Variants in WWC2 observed in about 807,000 individuals in gnomAD.
The protein encoded by WWC2 is protein WWC2.
In WWC2, 101 loss-of-function variants were observed where a neutral mutation model predicts 138.5. That is an observed-to-expected ratio of 0.73 (90% CI 0.62 to 0.86). The LOEUF (loss-of-function observed/expected upper bound fraction) is 0.86. Ranked by LOEUF, WWC2 falls within the 40% of genes least tolerant of loss-of-function variation. WWC2 has a pLI of 0.00. For missense variants in WWC2, 1,420 were observed against 1,419.4 expected (o/e 1.00, Z -0.01); for synonymous variants, 558 against 538.4 (o/e 1.04, Z -0.50).
rs374334412 is a variant in WWC2, at chr4:183,240,393, A to C, written c.602+131A>C. Reference sequence around the variant, plus strand: ...AAAGTAAAAAAGTTCAGAGCTCTACACCAAAAGAAAATAAAGCAATCAACC... The same window carrying C: ...AAAGTAAAAAAGTTCAGAGCTCTACCCCAAAAGAAAATAAAGCAATCAACC... On this transcript the variant is annotated intron_variant, in intron 5 of 22. Coordinates refer to ENST00000403733, the MANE Select transcript of WWC2 (RefSeq NM_024949.6). The C allele has an allele frequency of 7.8e-5, 48 of 614,350 alleles. 2 individuals are homozygous for C. The East Asian group carries it at 1.2e-3, about 15-fold the overall frequency. 38.1% of individuals were successfully genotyped at this position (614,350 alleles called of 1,614,324 possible). A position where few individuals can be genotyped will look rare whatever the true frequency, so the allele number is the denominator to read the frequency against.
intron 1 of WWC2, among the ~76,000 whole-genome samples, chr4:183,169,753 A>G (rs1245486775): frequency 6.6e-6 from 1 of 152,186 alleles, no homozygotes; most frequent in Non-Finnish European, 1.5e-5. Context: ...TTGGAGATTT[A>G]AGACTGTGCA....
chr4:183,224,999 T>A (rs1736032659), intron 4 of WWC2, among the ~76,000 whole-genome samples: 1 of 152,242 alleles, frequency 6.6e-6, no homozygotes, highest in African/African-American at 2.4e-5. Context: ...TTATGTTGAC[T>A]CCTCATACCT....
intron 14 of WWC2, among the ~76,000 whole-genome samples, chr4:183,266,881 T>G (rs1737520697): frequency 6.6e-6 from 1 of 152,138 alleles, no homozygotes; most frequent in South Asian, 2.1e-4. Context: ...TAGAATAAAT[T>G]AAAGAGTTCT....
At chr4:183,198,688 T>G (rs913998431) in intron 2 of WWC2, among the ~76,000 whole-genome samples, 1 of 151,076 alleles carries the variant, frequency 6.6e-6, no homozygotes, top group Non-Finnish European at 1.5e-5. Context: ...GCATGGTAGC[T>G]CTTGCTTGTA....
chr4:183,191,019 G>A (rs531127440), intron 1 of WWC2, among the ~76,000 whole-genome samples: 1 of 151,938 alleles, frequency 6.6e-6, no homozygotes, highest in East Asian at 1.9e-4. Context: ...GGATGCATGT[G>A]CCTTTTAGAC....
intron 8 of WWC2, among the ~76,000 whole-genome samples, chr4:183,250,745 C>T (rs1354669905): frequency 1.3e-5 from 2 of 152,078 alleles, no homozygotes; most frequent in Non-Finnish European, 1.5e-5. Flanking sequence ...CTTTAAAATG[C>T]CATTGGGTTA....
At chr4:183,182,987 GTGTA>G (rs1734680257) in intron 1 of WWC2, among the ~76,000 whole-genome samples, 1 of 152,130 alleles carries the variant, frequency 6.6e-6, no homozygotes, top group East Asian at 1.9e-4. Flanking sequence ...TGTGTCGACT[GTGTA>G]TGAGGTAGGC....
At chr4:183,160,325 G>A (rs148323517) in intron 1 of WWC2, among the ~76,000 whole-genome samples, 1 of 152,274 alleles carries the variant, frequency 6.6e-6, no homozygotes, top group African/African-American at 2.4e-5. Context: ...AGACGAATTA[G>A]CCAACAAAGA....
chr4:183,183,040 C>G (rs568506062), intron 1 of WWC2, among the ~76,000 whole-genome samples: 5 of 152,190 alleles, frequency 3.3e-5, no homozygotes, highest in Non-Finnish European at 7.3e-5. Context: ...AAGGCAGGGT[C>G]CCTGCCTAGA....
chr4:183,295,026 TTAA>T (rs1454949103), intron 21 of WWC2, among the ~76,000 whole-genome samples: 1 of 152,192 alleles, frequency 6.6e-6, no homozygotes, highest in African/African-American at 2.4e-5. Flanking sequence ...CATGTTCATT[TTAA>T]TGATTTGTCC....
chr4:183,264,303 A>G (rs1454132642), intron 11 of WWC2, among the ~76,000 whole-genome samples: 1 of 152,208 alleles, frequency 6.6e-6, no homozygotes, highest in Non-Finnish European at 1.5e-5. Flanking sequence ...AGAGCACCAC[A>G]GGCTTGCAGC....
chr4:183,194,323 A>G (rs896162204), intron 2 of WWC2, among the ~76,000 whole-genome samples: 1 of 152,168 alleles, frequency 6.6e-6, no homozygotes, highest in Non-Finnish European at 1.5e-5. Flanking sequence ...TCAAAAACAC[A>G]TACTTTGAAA....
At chr4:183,259,528 A>G (rs1371713415) in intron 9 of WWC2, 111 bp from the exon 10 acceptor site, 1 of 826,112 alleles carries the variant, frequency 1.2e-6, no homozygotes, top group East Asian at 2.8e-5. Flanking sequence ...TGTGGAGCCC[A>G]TTCACATTTT....
rs767478435 is a variant in WWC2 at position 183,245,495 on chromosome 4, A to G, written c.682A>G (p.Ile228Val). ...AGCCATTCTAACAGAACTAAAATCT[A>G]TCAGAAAGGCAATTAGCTCAGGAGA... ...AKAILTELKSIRKAISSGEKE... is the reference protein window; with the variant it reads ...AKAILTELKSVRKAISSGEKE... The change falls in exon 6 of 23, where the codon ATC (isoleucine) becomes GTC (valine). Residue 228 changes from isoleucine to valine, a missense_variant. Physicochemically the swap from Ile to Val is conservative, Grantham distance 29 (BLOSUM62 3). Transcript: ENST00000403733. The G allele has an allele frequency of 1.4e-5, 23 of 1,608,628 alleles. No individual in the cohort carries two copies. Among genetic ancestry groups the G allele is most frequent in the African/African-American group, 2.7e-5 (2 of 74,490 alleles).
intron 22 of WWC2, among the ~76,000 whole-genome samples, chr4:183,314,207 C>A (rs964431508): frequency 2.6e-5 from 4 of 152,126 alleles, no homozygotes; most frequent in Non-Finnish European, 4.4e-5. Flanking sequence ...GCTAAAGAAT[C>A]ACATTTGTGA....
At chr4:183,252,464 G>A (rs868557008) in intron 8 of WWC2, among the ~76,000 whole-genome samples, 2 of 152,176 alleles carry the variant, frequency 1.3e-5, no homozygotes, top group Admixed American at 1.3e-4. Flanking sequence ...GTACTGAGTC[G>A]GGGGTAATGT....
At chr4:183,148,019 C>T (rs1733513647) in intron 1 of WWC2, among the ~76,000 whole-genome samples, 1 of 152,110 alleles carries the variant, frequency 6.6e-6, no homozygotes, top group South Asian at 2.1e-4. Flanking sequence ...AATCTTAGAA[C>T]TCTGTGAAAT....
intron 21 of WWC2, among the ~76,000 whole-genome samples, chr4:183,310,812 G>A (rs1739187645): frequency 8.3e-6 from 1 of 121,060 alleles, no homozygotes; most frequent in Non-Finnish European, 1.6e-5. Flanking sequence ...CTGCCTCCTA[G>A]TACAGAGCCT....
intron 4 of WWC2, among the ~76,000 whole-genome samples, chr4:183,232,180 CT>C (rs1736265094): frequency 6.6e-6 from 1 of 152,068 alleles, no homozygotes; most frequent in Non-Finnish European, 1.5e-5. Context: ...TGACATAATG[CT>C]TTTGTCTTTA....
Sources: gnomAD v4.1 joint callset for allele counts (sites outside exome capture counted in the v4.1 genomes callset) on GRCh38, gnomAD v4.1.1 for gene constraint, MANE v1.5 for transcripts, NCBI Gene and HGNC (gene_info 2026-07-23, HGNC 2026-07-21) for gene names.